The following DSC2 variants were observed in gnomAD, a reference collection of about 807,000 sequenced individuals.
DSC2 encodes the protein desmocollin-2.
In DSC2, 51 loss-of-function variants were observed where a neutral mutation model predicts 87.6. That is an observed-to-expected ratio of 0.58 (90% CI 0.46 to 0.74). The LOEUF (loss-of-function observed/expected upper bound fraction) is 0.74, where lower values mean the gene tolerates loss of function less well. Ranked by LOEUF, DSC2 falls within the 30% of genes least tolerant of loss-of-function variation. DSC2 has a pLI of 0.00. For synonymous variants in DSC2, 383 were observed against 393.2 expected, an observed-to-expected ratio of 0.97 and a Z score of 0.31; for missense variants, 1,066 against 1,089.5, an observed-to-expected ratio of 0.98 and a Z score of 0.30.
At position 31,068,131 on chromosome 18, in the gene DSC2, A is replaced by G. The variant is rs754433436; in HGVS notation, c.2590T>C (p.Ser864Pro). 2 of 1,613,976 alleles carry G rather than the reference A, an allele frequency of 1.2e-6. No homozygotes were observed. The highest frequency in any genetic ancestry group is 4.5e-5 in the East Asian group (2 of 44,856). ...VLTYNYEGRG[S>P]VAGSVGCCSE... Reference sequence around the variant, plus strand: ...CAACAACCTACAGACCCAGCCACCGATCCTCTTCCTTCATAGTTATATGTC... The same window carrying G: ...CAACAACCTACAGACCCAGCCACCGGTCCTCTTCCTTCATAGTTATATGTC... Residue 864 changes from serine to proline, a missense_variant, in exon 16 of 16, where the codon TCG (serine) becomes CCG (proline). Transcript: ENST00000280904.
intron 13 of DSC2, 108 bp downstream of exon 13, chr18:31,071,497 G>T: frequency 2.1e-6 from 2 of 960,638 alleles, no homozygotes; most frequent in Non-Finnish European, 3.4e-6. Context: ...AGTGAGCGGA[G>T]ATCACACTAC....
Position 31,066,038 on chromosome 18 carries a change from C to G in DSC2, c.*1977G>C, listed in dbSNP as rs1986607576. 1 of 152,136 alleles carries G rather than the reference C, an allele frequency of 6.6e-6. No individual in the cohort carries two copies. Among genetic ancestry groups the G allele is most frequent in the Non-Finnish European group, 1.5e-5 (1 of 68,024 alleles). The allele number at this position is 152,136 out of a possible 1,614,324, so 9.4% of individuals were successfully genotyped here. A position where few individuals can be genotyped will look rare whatever the true frequency, so the allele number is the denominator to read the frequency against. On this transcript the variant is annotated 3_prime_UTR_variant, in exon 16 of 16. Transcript: ENST00000280904. ...TAGGTGGACCGCTCTGTATGACTCT[C>G]ATGCTTCAAAACTATTTTTTATTCA...
chr18:31,086,975 T>C (rs1469164303), intron 6 of DSC2, among the ~76,000 whole-genome samples: 1 of 152,190 alleles, frequency 6.6e-6, no homozygotes, highest in Non-Finnish European at 1.5e-5. Flanking sequence ...GTATTTAATG[T>C]ATGATTTTAT....
chr18:31,074,992 A>T, intron 11 of DSC2, 85 bp from the exon 12 acceptor site: 1 of 1,344,166 alleles, frequency 7.4e-7, no homozygotes, highest in Non-Finnish European at 1.0e-6. Flanking sequence ...AAAAATATTT[A>T]TTAAGCACCT....
Position 31,097,344 on chromosome 18 carries a change from A to G in DSC2, c.70-3701T>C, listed in dbSNP as rs189090594. On this transcript the variant is annotated intron_variant, in intron 1 of 15. Coordinates refer to ENST00000280904, the MANE Select transcript of DSC2 (RefSeq NM_024422.6). Reference sequence around the variant, plus strand: ...GCAATTAAAAGTTGAAATGCCAAGGAGTAAATTTAACAAGAAACATGTAAA... The same window carrying G: ...GCAATTAAAAGTTGAAATGCCAAGGGGTAAATTTAACAAGAAACATGTAAA... 2.6e-4 allele frequency among the ~76,000 whole-genome samples: 40 copies of G among 151,836 alleles called. 1 individual carries two copies. The highest frequency in any genetic ancestry group is 6.2e-4 in the South Asian group (3 of 4,826).
chr18:31,074,186 C>T (rs1986926241), intron 12 of DSC2, among the ~76,000 whole-genome samples: 1 of 152,150 alleles, frequency 6.6e-6, no homozygotes, highest in Admixed American at 6.5e-5. Flanking sequence ...TCTTTTTGCC[C>T]AATCCTACTT....
chr18:31,082,343 A>G lies in DSC2; in HGVS notation c.1158T>C (p.Thr386=). 1 of 1,613,950 alleles carries G rather than the reference A, an allele frequency of 6.2e-7. No individual in the cohort carries two copies. Among genetic ancestry groups the G allele is most frequent in the Non-Finnish European group, 8.5e-7 (1 of 1,179,958 alleles). ...TGGTATAATTAGCTCTCCAGTTAGC[A>G]GTATTCACTAAGTCCTTATCCTCAA... ...VTVEDKDLVN[T]ANWRANYTIL... The change falls in exon 9 of 16, where the codon ACT becomes ACC. Residue 386 remains threonine, a synonymous_variant. Transcript: ENST00000280904.
rs554713834 is a variant in DSC2 at position 31,089,521 on chromosome 18, C to T, written c.548G>A (p.Arg183Gln). 6.2e-6 allele frequency: 10 copies of T among 1,613,854 alleles called. No individual in the cohort carries two copies. In the Admixed American group the frequency reaches 6.7e-5, roughly 11 times the overall value. Residue 183 changes from arginine to glutamine, a missense_variant, in exon 5 of 16, where the codon CGG (arginine) becomes CAG (glutamine). By Grantham distance (43) the Arg-to-Gln change is conservative. Coordinates refer to ENST00000280904, the MANE Select transcript of DSC2 (RefSeq NM_024422.6). ...GTCTCTCTCCACATAAAATAAATTC[C>T]GAGGTTCTTGGTCAACTCCAGGACC... Reference protein sequence around the residue: ...IRGPGVDQEPRNLFYVERDTG... With the variant: ...IRGPGVDQEPQNLFYVERDTG...
chr18:31,082,184 GC>G, intron 9 of DSC2, 53 bp downstream of exon 9: 1 of 1,506,992 alleles, frequency 6.6e-7, no homozygotes, highest in South Asian at 1.2e-5. Flanking sequence ...TTAAATTCTA[GC>G]ATGCTATTCT....
intron 4 of DSC2, among the ~76,000 whole-genome samples, chr18:31,090,760 G>A (rs1226025819): frequency 2.0e-5 from 3 of 152,126 alleles, no homozygotes; most frequent in African/African-American, 7.2e-5. Flanking sequence ...GCTATTCTTA[G>A]GCTTGGCGAT....
chr18:31,099,086 G>T (rs1987852793), intron 1 of DSC2, among the ~76,000 whole-genome samples: 1 of 152,180 alleles, frequency 6.6e-6, no homozygotes. Context: ...TAAATGCTGT[G>T]TCACACATCA....
intron 12 of DSC2, 122 bp from the exon 13 acceptor site, chr18:31,071,963 T>G (rs181237366): frequency 1.8e-5 from 16 of 877,762 alleles, no homozygotes; most frequent in South Asian, 1.7e-4. Context: ...TGGGATGGCA[T>G]AGCTGCTAGA....
chr18:31,078,093 C>T (rs1306068718), intron 11 of DSC2, among the ~76,000 whole-genome samples: 1 of 152,050 alleles, frequency 6.6e-6, no homozygotes, highest in African/African-American at 2.4e-5. Flanking sequence ...TGTAGGAAGG[C>T]AGGAAGTGAG....
At position 31,074,924 on chromosome 18, in the gene DSC2, A is replaced by G. The variant is rs752839906; in HGVS notation, c.1664-17T>C. 1.9e-6 allele frequency: 3 copies of G among 1,602,668 alleles called. No homozygotes were observed. The highest frequency in any genetic ancestry group is 2.2e-5 in the South Asian group (2 of 89,692). ...TTCTCCCTCCTAGAAAAATGAAAAT[A>G]AAAATAGTTTTTCTATGTTTTGAGT... is the stretch of plus-strand genomic sequence containing the variant. On this transcript the variant is annotated splice_polypyrimidine_tract_variant and intron_variant, in intron 11 of 15. Coordinates refer to ENST00000280904, the MANE Select transcript of DSC2 (RefSeq NM_024422.6).
chr18:31,085,920 G>A (rs993408222), intron 7 of DSC2, among the ~76,000 whole-genome samples: 1 of 152,018 alleles, frequency 6.6e-6, no homozygotes, highest in African/African-American at 2.4e-5. Flanking sequence ...ACAGAATATA[G>A]ATTTAAAACA....
At chr18:31,068,260 C>T (rs752257623) in intron 15 of DSC2, 48 bp from the exon 16 acceptor site, 5 of 1,612,324 alleles carry the variant, frequency 3.1e-6, no homozygotes, top group African/African-American at 2.7e-5. Context: ...ATTTTAAACA[C>T]CAAAATTTAC....
rs761302953 is a variant in DSC2 at position 31,069,032 on chromosome 18, T to C, written c.2370A>G (p.Gly790=). The C allele has an allele frequency of 5.6e-6, 9 of 1,612,472 alleles. No individual in the cohort carries two copies. The Admixed American group carries it at 8.3e-5, about 15-fold the overall frequency. Residue 790 remains glycine (G), a synonymous_variant, in exon 15 of 16, where the codon GGA becomes GGG. Coordinates refer to ENST00000280904, the MANE Select transcript of DSC2 (RefSeq NM_024422.6). The part of the protein sequence containing the change: ...GQETIEMVKG[G]HQTSESCRGA... ...CCCGGCAGGATTCCGAGGTCTGGTG[T>C]CCTCCTTTCACCATTTCGATGGTCT...
chr18:31,089,087 C>T (rs1330444960), intron 5 of DSC2, among the ~76,000 whole-genome samples: 5 of 151,282 alleles, frequency 3.3e-5, no homozygotes, highest in Admixed American at 2.0e-4. Context: ...ATCACTTGAA[C>T]CCCGGAGCCA....
intron 11 of DSC2, among the ~76,000 whole-genome samples, chr18:31,075,175 G>C (rs1051473381): frequency 6.6e-6 from 1 of 152,218 alleles, no homozygotes; most frequent in East Asian, 1.9e-4. Flanking sequence ...TGTGAGAAGA[G>C]GAAGGAAGAG....
Sources: gnomAD v4.1 joint callset for allele counts (sites outside exome capture counted in the v4.1 genomes callset) on GRCh38, gnomAD v4.1.1 for gene constraint, MANE v1.5 for transcripts, NCBI Gene and HGNC (gene_info 2026-07-23, HGNC 2026-07-21) for gene names.